Variants in MAN1C1 observed in about 807,000 individuals in gnomAD.
The protein encoded by MAN1C1 is mannosidase alpha class 1C member 1.
A neutral mutation model predicts 71.5 loss-of-function variants in MAN1C1; 49 were observed. The ratio of observed to expected loss-of-function variants is 0.69; its 90% CI spans 0.54 to 0.87. The LOEUF (loss-of-function observed/expected upper bound fraction) is 0.87, where lower values mean the gene tolerates loss of function less well. Ranked by LOEUF, MAN1C1 falls within the 40% of genes least tolerant of loss-of-function variation. MAN1C1 has a pLI of 0.00. For missense variants in MAN1C1, 743 were observed against 835.0 expected (o/e 0.89, Z 1.36); for synonymous variants, 352 against 343.7 (o/e 1.02, Z -0.27).
chr1:25,686,686 G>A (rs770703523), intron 2 of MAN1C1, 150 bp downstream of exon 2: 9 of 648,616 alleles, frequency 1.4e-5, no homozygotes, highest in Non-Finnish European at 2.2e-5. Context: ...TGTTTCCTCT[G>A]GGCTTTTCAG....
rs542654356 is a variant in MAN1C1 at position 25,712,483 on chromosome 1, C to T, written c.637+25947C>T. 1.0e-3 allele frequency among the ~76,000 whole-genome samples: 156 copies of T among 152,258 alleles called. 2 individuals are homozygous for T. Among genetic ancestry groups the T allele is most frequent in the Non-Finnish European group, 1.8e-3 (122 of 68,022 alleles). ...TCATGCTGGTAATCTGGGGCGGCTT[C>T]CTGGGAGAAGGGGCCTTGGCCTGTT... On this transcript the variant is annotated intron_variant, in intron 2 of 11. Transcript: ENST00000374332.
intron 1 of MAN1C1, among the ~76,000 whole-genome samples, chr1:25,646,759 T>G (rs991814525): frequency 3.3e-5 from 5 of 152,246 alleles, no homozygotes; most frequent in African/African-American, 1.2e-4. Flanking sequence ...GAGTTTCTTT[T>G]GATGGCCGGA....
intron 1 of MAN1C1, among the ~76,000 whole-genome samples, chr1:25,633,813 AT>A (rs938651790): frequency 6.6e-6 from 1 of 152,024 alleles, no homozygotes; most frequent in African/African-American, 2.4e-5. Flanking sequence ...TCCATTTATC[AT>A]GTTAATTGTT....
intron 2 of MAN1C1, among the ~76,000 whole-genome samples, chr1:25,728,259 G>T (rs1206381361): frequency 1.3e-5 from 2 of 152,140 alleles, no homozygotes; most frequent in Non-Finnish European, 2.9e-5. Context: ...AGCAGGGACT[G>T]GCCGGAGTCC....
chr1:25,701,515 C>T (rs2046443543), intron 2 of MAN1C1, among the ~76,000 whole-genome samples: 1 of 152,226 alleles, frequency 6.6e-6, no homozygotes. Flanking sequence ...TTGTCTGCCT[C>T]CAACGCCCAC....
At position 25,711,589 on chromosome 1, in the gene MAN1C1, G is replaced by A. The variant is rs79359409; in HGVS notation, c.637+25053G>A. ...AACTAAAGGACATATTTTTATTGAA[G>A]CACTCATTCTGCATGTATTGAGCAC... is the stretch of plus-strand genomic sequence containing the variant. On this transcript the variant is annotated intron_variant, in intron 2 of 11. Transcript: ENST00000374332. This position sits in a 1 kb window ranked among gnomAD's most constrained non-coding sequence, Gnocchi z 4.3. Among the ~76,000 whole-genome samples the A allele has an allele frequency of 3.6e-4, 55 of 152,282 alleles. No individual in the cohort carries two copies. In the East Asian group the frequency reaches 7.3e-3, roughly 20 times the overall value.
intron 1 of MAN1C1, among the ~76,000 whole-genome samples, chr1:25,620,339 C>T (rs1345664575): frequency 1.3e-5 from 2 of 152,190 alleles, no homozygotes; most frequent in African/African-American, 2.4e-5. Flanking sequence ...AGCTAGCCCT[C>T]TCTTACTAAT....
At chr1:25,654,551 C>T (rs1425174192) in intron 1 of MAN1C1, among the ~76,000 whole-genome samples, 4 of 152,144 alleles carry the variant, frequency 2.6e-5, no homozygotes, top group African/African-American at 9.7e-5. Flanking sequence ...TTATGCTTTG[C>T]TTTTACTTTA....
intron 2 of MAN1C1, among the ~76,000 whole-genome samples, chr1:25,693,712 C>T (rs1399822138): frequency 1.3e-5 from 2 of 152,230 alleles, no homozygotes; most frequent in Non-Finnish European, 2.9e-5. Flanking sequence ...ACTTGCAAAA[C>T]ATACCATTGG....
Position 25,617,720 on chromosome 1 carries a change from G to A in MAN1C1, c.-78G>A. 2.1e-6 allele frequency: 3 copies of A among 1,412,548 alleles called. No homozygotes were observed. Among genetic ancestry groups the A allele is most frequent in the Non-Finnish European group, 2.8e-6 (3 of 1,071,050 alleles). 87.5% of individuals were successfully genotyped at this position (1,412,548 alleles called of 1,614,324 possible). ...GGACCCCCATCCCGGGCGGCGCTCCGGACGCCCTCCCCTCACCGCGCCCCC... is the reference window on the plus strand; with the variant it reads ...GGACCCCCATCCCGGGCGGCGCTCCAGACGCCCTCCCCTCACCGCGCCCCC... On this transcript the variant is annotated 5_prime_UTR_variant, in exon 1 of 12. Coordinates refer to ENST00000374332, the MANE Select transcript of MAN1C1 (RefSeq NM_020379.4). This position sits in a 1 kb window ranked among gnomAD's most constrained non-coding sequence, Gnocchi z 5.1.
intron 2 of MAN1C1, among the ~76,000 whole-genome samples, chr1:25,727,785 G>A (rs1192525370): frequency 6.6e-6 from 1 of 152,202 alleles, no homozygotes; most frequent in Non-Finnish European, 1.5e-5. Flanking sequence ...TCCATCCTGG[G>A]CCCCTGGCCC....
At chr1:25,656,500 G>A (rs1332880141) in intron 1 of MAN1C1, among the ~76,000 whole-genome samples, 2 of 152,168 alleles carry the variant, frequency 1.3e-5, no homozygotes, top group African/African-American at 4.8e-5. Context: ...CTTTGCCCAA[G>A]TGTTCACTGA....
At chr1:25,755,632 G>A (rs898253222) in intron 5 of MAN1C1, among the ~76,000 whole-genome samples, 4 of 152,148 alleles carry the variant, frequency 2.6e-5, no homozygotes, top group African/African-American at 7.2e-5. Flanking sequence ...CCATTTTACC[G>A]GTAAAGAAAC....
intron 2 of MAN1C1, among the ~76,000 whole-genome samples, chr1:25,727,055 T>G (rs2046842213): frequency 6.6e-6 from 1 of 151,628 alleles, no homozygotes; most frequent in Non-Finnish European, 1.5e-5. Context: ...AGACCCTGTT[T>G]CCAAAAAAAA....
chr1:25,691,086 G>T (rs1476783048), intron 2 of MAN1C1, among the ~76,000 whole-genome samples: 2 of 152,214 alleles, frequency 1.3e-5, no homozygotes, highest in African/African-American at 4.8e-5. Flanking sequence ...GGAGGCCGAG[G>T]CGGGTGGATC....
At chr1:25,727,478 G>C (rs1159251756) in intron 2 of MAN1C1, among the ~76,000 whole-genome samples, 16 of 152,214 alleles carry the variant, frequency 1.1e-4, no homozygotes, top group South Asian at 2.1e-4. Flanking sequence ...GGGACAGTGG[G>C]GGATACGTGC....
Position 25,665,302 on chromosome 1 carries a change from C to T in MAN1C1, c.541-21138C>T, listed in dbSNP as rs904589017. On this transcript the variant is annotated intron_variant, in intron 1 of 11. Coordinates refer to ENST00000374332, the MANE Select transcript of MAN1C1 (RefSeq NM_020379.4). The stretch of plus-strand genomic sequence containing the variant: ...GTAGTTACGGGCTGTTGAATTGATA[C>T]CTTCCTCTCAGCCATTTGCCATCAC... Among the ~76,000 whole-genome samples the T allele has an allele frequency of 3.7e-4, 56 of 152,248 alleles. 1 individual carries two copies. The highest frequency in any genetic ancestry group is 1.3e-3 in the African/African-American group (53 of 41,524).
In MAN1C1 at chr1:25,735,064, T is replaced by C. The variant is rs778512560; in HGVS notation, c.638-11604T>C. On this transcript the variant is annotated intron_variant, in intron 2 of 11. Coordinates refer to ENST00000374332, the MANE Select transcript of MAN1C1 (RefSeq NM_020379.4). The surrounding 1 kb of genome is among the most constrained non-coding windows in gnomAD (Gnocchi z 4.6). ...AGAAAGGGCTGGAGGCTGGAGAGAG[T>C]GGGCCACATGGAAGCAGTAGTTTGC... 6.6e-6 allele frequency among the ~76,000 whole-genome samples: 1 copy of C among 151,184 alleles called. No homozygotes were observed. Among genetic ancestry groups the C allele is most frequent in the East Asian group, 1.9e-4 (1 of 5,152 alleles).
chr1:25,638,724 C>T (rs960918491), intron 1 of MAN1C1, among the ~76,000 whole-genome samples: 1 of 152,076 alleles, frequency 6.6e-6, no homozygotes, highest in Admixed American at 6.6e-5. Flanking sequence ...AGCCTGAATT[C>T]TTTCTGATGA....
Sources: gnomAD v4.1 joint callset for allele counts (sites outside exome capture counted in the v4.1 genomes callset) on GRCh38, gnomAD v4.1.1 for gene constraint, Gnocchi (gnomAD v3.1) non-coding constraint, MANE v1.5 for transcripts, NCBI Gene and HGNC (gene_info 2026-07-23, HGNC 2026-07-21) for gene names.